TOMT: variants seen among roughly 807,000 people sequenced by gnomAD.
The protein encoded by TOMT is transmembrane O-methyltransferase.
A neutral mutation model predicts 21.7 loss-of-function variants in TOMT; 23 were observed. The observed-to-expected ratio is 1.06, with a 90% CI of 0.76 to 1.50. The LOEUF is 1.50. Among genes scored for constraint, TOMT ranks in the 40% most tolerant of loss-of-function variants. TOMT has a pLI of 0.00. For missense variants in TOMT, 331 were observed against 348.7 expected (o/e 0.95, Z 0.41); for synonymous variants, 132 against 150.8 (o/e 0.88, Z 0.91).
chr11:72,107,125 G>T, intron 1 of TOMT: 1 of 348,800 alleles, frequency 2.9e-6, no homozygotes, highest in East Asian at 5.1e-5. Context: ...AAATTAGCCG[G>T]GTGTGGTGGT....
chr11:72,106,049 T>C lies in TOMT; in HGVS notation c.98T>C (p.Leu33Pro), dbSNP rs756373936. 9 of 1,551,058 alleles carry C rather than the reference T, an allele frequency of 5.8e-6. No individual in the cohort carries two copies. In the South Asian group the frequency reaches 5.9e-5, roughly 10 times the overall value. The stretch of plus-strand genomic sequence containing the variant: ...CGATTGCTGGTGCGCACGGTCTTGC[T>C]GCGAAGCCTCCGAGACTGCCTGTCA... The change falls in exon 1 of 3, where the codon CTG becomes CCG. Residue 33 changes from leucine (L) to proline (P), a missense_variant. Transcript: ENST00000541899.
chr11:72,108,029 T>C, exon 2 of TOMT: 1 of 1,551,490 alleles, frequency 6.4e-7, no homozygotes, highest in African/African-American at 1.4e-5. Context: ...CCCTGCCCCC[T>C]GGGGGTCGCC....
exon 3 of TOMT, chr11:72,109,275 T>A (rs1354577179): frequency 4.3e-6 from 2 of 459,936 alleles, no homozygotes; most frequent in Non-Finnish European, 8.5e-6. Flanking sequence ...GGAAGCTGGA[T>A]GGGAGAGCTC....
chr11:72,106,390 A>G, intron 1 of TOMT, 180 bp downstream of exon 1: 1 of 630,848 alleles, frequency 1.6e-6, no homozygotes, highest in Admixed American at 3.5e-5. Flanking sequence ...GCAAACATTT[A>G]TTGCCACCTC....
At position 72,107,665 on chromosome 11, in the gene TOMT, T is replaced by A. The variant is rs547720360; in HGVS notation, c.260-258T>A. 3.6e-5 allele frequency: 22 copies of A among 619,468 alleles called. No homozygotes were observed. The South Asian group carries it at 4.2e-4, about 12-fold the overall frequency. 38.4% of individuals were successfully genotyped at this position (619,468 alleles called of 1,614,324 possible). ...TGAATGCCAGGCTGAGAATCCCAAGTTCAATCCCAAAGGCCTTCAGCTCAC... is the reference window on the plus strand; with the variant it reads ...TGAATGCCAGGCTGAGAATCCCAAGATCAATCCCAAAGGCCTTCAGCTCAC... On this transcript the variant is annotated intron_variant, in intron 1 of 2. Coordinates refer to ENST00000541899, the Ensembl canonical transcript of TOMT.
In TOMT at chr11:72,108,592, CCT is replaced by C; in HGVS notation, c.457-12_457-11del. On this transcript the variant is annotated splice_polypyrimidine_tract_variant and intron_variant, in intron 2 of 2. Transcript: ENST00000541899. ...CCCCCCACCCTCACCTCCAGCTCCC[CCT>C]ATCCCCACAGGTGGAGCTCATCGTG... is the stretch of plus-strand genomic sequence containing the variant. 6.9e-7 allele frequency: 1 copy of C among 1,445,846 alleles called. No individual in the cohort carries two copies. 89.6% of individuals were successfully genotyped at this position (1,445,846 alleles called of 1,614,324 possible).
intron 1 of TOMT, chr11:72,107,576 G>C: frequency 1.4e-6 from 1 of 700,502 alleles, no homozygotes; most frequent in Non-Finnish European, 2.6e-6. Flanking sequence ...TGTGATACAG[G>C]CCACAGGTGG....
At chr11:72,107,730 T>C (rs1402750100) in intron 1 of TOMT, 193 bp from the exon 2 acceptor site, 1 of 631,100 alleles carries the variant, frequency 1.6e-6, no homozygotes, top group Non-Finnish European at 2.8e-6. Flanking sequence ...GTTGGAAAGA[T>C]TCCAGGGCTG....
chr11:72,106,330 C>CT (rs1007526596), intron 1 of TOMT, 120 bp downstream of exon 1: 102 of 1,075,144 alleles, frequency 9.5e-5, no homozygotes, highest in Admixed American at 3.8e-4. Flanking sequence ...TTTAGGGCCT[C>CT]TTTTTTTTCT....
intron 1 of TOMT, 43 bp from the exon 2 acceptor site, chr11:72,107,880 A>T: frequency 6.5e-7 from 1 of 1,548,716 alleles, no homozygotes; most frequent in Non-Finnish European, 8.7e-7. Flanking sequence ...GGGGCCCTGC[A>T]TCCATCTCCC....
At chr11:72,108,778 C>A in exon 3 of TOMT, 2 of 1,550,466 alleles carry the variant, frequency 1.3e-6, no homozygotes, top group Non-Finnish European at 1.7e-6. Flanking sequence ...TGCTGGCTGA[C>A]CATGTGCTCT....
exon 1 of TOMT, chr11:72,105,924 C>T: frequency 6.5e-7 from 1 of 1,529,406 alleles, no homozygotes; most frequent in Non-Finnish European, 8.8e-7. Context: ...TCCCTACCTC[C>T]CTCCACCCCA....
At chr11:72,107,312 C>T (rs1381872952) in intron 1 of TOMT, 3 of 607,670 alleles carry the variant, frequency 4.9e-6, no homozygotes, top group Non-Finnish European at 5.9e-6. Context: ...ATCAGAAATA[C>T]ATTTGATGAG....
exon 1 of TOMT, chr11:72,106,071 G>A (rs1366477368): frequency 6.4e-7 from 1 of 1,550,570 alleles, no homozygotes; most frequent in African/African-American, 1.4e-5. Context: ...GAGACTGCCT[G>A]TCAGGGCTGC....
chr11:72,107,555 T>C (rs1324450073), intron 1 of TOMT: 1 of 702,322 alleles, frequency 1.4e-6, no homozygotes, highest in South Asian at 1.5e-5. Flanking sequence ...GGCACAGTTG[T>C]TTGGGATGGC....
At chr11:72,109,224 C>T (rs903958126) in exon 3 of TOMT, 4 of 478,012 alleles carry the variant, frequency 8.4e-6, no homozygotes, top group African/African-American at 3.9e-5. Flanking sequence ...CAAGGGAATC[C>T]CCACCTTGCT....
chr11:72,107,740 G>A (rs1591191300), intron 1 of TOMT, 183 bp from the exon 2 acceptor site: 2 of 639,064 alleles, frequency 3.1e-6, no homozygotes, highest in South Asian at 1.9e-5. Flanking sequence ...TTCCAGGGCT[G>A]GTGTGAAGAC....
chr11:72,108,566 TC>T, intron 2 of TOMT, 38 bp from the exon 3 acceptor site: 1 of 1,425,732 alleles, frequency 7.0e-7, no homozygotes. Context: ...GGAGAACAAT[TC>T]CCCCCACCCT....
At chr11:72,108,147 T>G (rs1434060772) in intron 2 of TOMT, 28 bp downstream of exon 2, 1 of 1,470,070 alleles carries the variant, frequency 6.8e-7, no homozygotes, top group Admixed American at 2.5e-5. Context: ...CCAACCCAGA[T>G]TTTTGTCACC....
Sources: gnomAD v4.1 joint callset for allele counts on GRCh38, gnomAD v4.1.1 for gene constraint, MANE v1.5 for transcripts, NCBI Gene and HGNC (gene_info 2026-07-23, HGNC 2026-07-21) for gene names.